The following ROBO2 variants were observed in gnomAD, a reference collection of about 807,000 sequenced individuals.
ROBO2 encodes roundabout homolog 2.
In ROBO2, 53 loss-of-function variants were observed where a neutral mutation model predicts 160.8. The ratio of observed to expected loss-of-function variants is 0.33; its 90% CI spans 0.26 to 0.41. The LOEUF is 0.41. Among genes scored for constraint, ROBO2 ranks in the 10% least tolerant of loss-of-function variants. ROBO2 has a pLI of 1.00. For synonymous variants in ROBO2, 664 were observed against 611.7 expected, an observed-to-expected ratio of 1.09 and a Z score of -1.26; for missense variants, 1,577 against 1,722.4, an observed-to-expected ratio of 0.92 and a Z score of 1.49.
chr3:77,420,737 A>G (rs1192631656), intron 2 of ROBO2, among the ~76,000 whole-genome samples: 1 of 152,124 alleles, frequency 6.6e-6, no homozygotes, highest in East Asian at 1.9e-4. Flanking sequence ...AGGCTACCAG[A>G]CTCTGCTGAT....
intron 2 of ROBO2, among the ~76,000 whole-genome samples, chr3:77,401,236 A>G (rs2075768573): frequency 6.7e-6 from 1 of 149,746 alleles, no homozygotes; most frequent in African/African-American, 2.5e-5. Context: ...TCTGCTGGTC[A>G]TGTACTACTG....
intron 2 of ROBO2, among the ~76,000 whole-genome samples, chr3:76,371,079 GAC>G (rs2076076590): frequency 6.6e-6 from 1 of 151,834 alleles, no homozygotes; most frequent in South Asian, 2.1e-4. Flanking sequence ...GCAGAGGGCT[GAC>G]ACACAAGTGA....
chr3:77,292,894 G>A (rs1389716160), intron 2 of ROBO2, among the ~76,000 whole-genome samples: 4 of 150,330 alleles, frequency 2.7e-5, no homozygotes, highest in African/African-American at 7.3e-5. Context: ...ACGATTAAAC[G>A]GTAAGCTGAG....
exon 20 of ROBO2, chr3:77,602,397 T>A (rs931343840): frequency 1.4e-5 from 22 of 1,614,014 alleles, no homozygotes; most frequent in Non-Finnish European, 5.9e-6. Context: ...TGGCTGTCGA[T>A]CTGCCTGATC....
chr3:76,284,810 A>C (rs1366155232), intron 2 of ROBO2, among the ~76,000 whole-genome samples: 4 of 152,036 alleles, frequency 2.6e-5, no homozygotes, highest in Admixed American at 1.3e-4. Flanking sequence ...CCACGTTCAA[A>C]CTGGCAGATT....
chr3:76,116,059 C>G (rs1324692731), intron 2 of ROBO2, among the ~76,000 whole-genome samples: 2 of 152,122 alleles, frequency 1.3e-5, no homozygotes, highest in Admixed American at 6.6e-5. Context: ...AGAACCAGGT[C>G]TAGATTTTAG....
chr3:76,588,778 A>G (rs116709039), intron 2 of ROBO2, among the ~76,000 whole-genome samples: 321 of 152,338 alleles, frequency 2.1e-3, no homozygotes, highest in African/African-American at 7.4e-3. Context: ...TGCTAATAGC[A>G]TATGTTTAAT....
intron 2 of ROBO2, among the ~76,000 whole-genome samples, chr3:76,887,136 A>G (rs995584670): frequency 8.5e-6 from 1 of 118,010 alleles, no homozygotes; most frequent in Non-Finnish European, 1.8e-5. Context: ...TATTTATTTT[A>G]TTTTGTTATT....
chr3:76,062,103 A>G (rs1001863962), intron 2 of ROBO2, among the ~76,000 whole-genome samples: 3 of 152,102 alleles, frequency 2.0e-5, no homozygotes, highest in South Asian at 2.1e-4. Context: ...TCCCTGTGCT[A>G]TGTAACCTAA....
chr3:77,134,297 A>G (rs947075532), intron 2 of ROBO2, among the ~76,000 whole-genome samples: 1 of 152,214 alleles, frequency 6.6e-6, no homozygotes, highest in Non-Finnish European at 1.5e-5. Context: ...GCTTTTAAAA[A>G]CCGAAAGAAT....
rs376561220 is a variant in ROBO2 at position 76,671,957 on chromosome 3, T to C, written c.110-426057T>C. On this transcript the variant is annotated intron_variant, in intron 2 of 26. Transcript: ENST00000487694. ...ACAGTATTTTTTATGTAGCATGTAC[T>C]GAAAACAAGTGAATAAACTATGGTT... Among the ~76,000 whole-genome samples the C allele has an allele frequency of 3.4e-4, 51 of 152,232 alleles. No homozygotes were observed. In the East Asian group the frequency reaches 7.9e-3, roughly 24 times the overall value.
At chr3:76,148,849 G>A (rs1038613725) in intron 2 of ROBO2, among the ~76,000 whole-genome samples, 5 of 151,936 alleles carry the variant, frequency 3.3e-5, no homozygotes, top group African/African-American at 1.2e-4. Context: ...TATTTCTGTA[G>A]GGTGCAGTGC....
chr3:76,953,532 A>G (rs998972877), intron 2 of ROBO2, among the ~76,000 whole-genome samples: 12 of 152,158 alleles, frequency 7.9e-5, no homozygotes, highest in African/African-American at 2.9e-4. Flanking sequence ...GGACCCCAAC[A>G]TGTTGCTGAT....
intron 22 of ROBO2, among the ~76,000 whole-genome samples, chr3:77,620,981 T>C (rs982931589): frequency 6.6e-6 from 1 of 152,166 alleles, no homozygotes; most frequent in Non-Finnish European, 1.5e-5. Context: ...CAAATAACAA[T>C]AAATTCATTT....
intron 13 of ROBO2, among the ~76,000 whole-genome samples, chr3:77,572,636 A>AACACAC (rs71104692): frequency 0.014 from 2,054 of 146,362 alleles, 14 homozygotes; most frequent in African/African-American, 0.016. Flanking sequence ...CGTACATAGA[A>AACACAC]ACACACACAC....
chr3:77,599,792 A>C (rs2094395639), intron 19 of ROBO2, among the ~76,000 whole-genome samples: 1 of 152,168 alleles, frequency 6.6e-6, no homozygotes, highest in African/African-American at 2.4e-5. Flanking sequence ...AACCATAAAA[A>C]AAATTATTTA....
intron 2 of ROBO2, among the ~76,000 whole-genome samples, chr3:76,759,798 C>T (rs193252291): frequency 1.1e-4 from 17 of 151,836 alleles, no homozygotes; most frequent in Non-Finnish European, 2.4e-4. Context: ...CTCTTCATTG[C>T]TGTAACTTCC....
chr3:76,349,954 C>T (rs1300416157), intron 2 of ROBO2, among the ~76,000 whole-genome samples: 2 of 152,058 alleles, frequency 1.3e-5, no homozygotes, highest in Non-Finnish European at 2.9e-5. Context: ...AGGCTATGAG[C>T]AAACCTGCCC....
At chr3:77,297,964 C>A (rs2062301395) in intron 2 of ROBO2, among the ~76,000 whole-genome samples, 3 of 152,092 alleles carry the variant, frequency 2.0e-5, no homozygotes, top group Admixed American at 1.3e-4. Context: ...CAAGAAGGTT[C>A]AACACCAGGT....
Sources: gnomAD v4.1 joint callset for allele counts (sites outside exome capture counted in the v4.1 genomes callset) on GRCh38, gnomAD v4.1.1 for gene constraint, MANE v1.5 for transcripts, NCBI Gene and HGNC (gene_info 2026-07-23, HGNC 2026-07-21) for gene names.